ELF1: variants seen among roughly 807,000 people sequenced by gnomAD.
ELF1 encodes E74 like ETS transcription factor 1.
ELF1 carries 24 observed loss-of-function variants against 59.9 expected under a neutral mutation model. The observed-to-expected ratio is 0.40, with a 90% CI of 0.29 to 0.56. The LOEUF is 0.56. ELF1 is among the 20% of genes least tolerant of loss of function. The probability of loss-of-function intolerance (pLI) is 0.44; values close to 1 mark genes in which losing one functional copy is unlikely to be tolerated. For missense variants in ELF1, 627 were observed against 742.2 expected (o/e 0.84, Z 1.80); for synonymous variants, 248 against 266.2 (o/e 0.93, Z 0.67).
chr13:41,016,947 AATATATATATATATATATAT>A (rs1276103107), intron 1 of ELF1, among the ~76,000 whole-genome samples: 19 of 24,738 alleles, frequency 7.7e-4, no homozygotes, highest in South Asian at 3.8e-3. Flanking sequence ...AAAAAAAAAA[AATATATATATATATATATAT>A]ATATATATAT....
chr13:40,979,684 CAA>C (rs577016548), intron 2 of ELF1, among the ~76,000 whole-genome samples: 11 of 152,128 alleles, frequency 7.2e-5, no homozygotes, highest in East Asian at 3.9e-4. Flanking sequence ...AAATGAGACA[CAA>C]AAAAGATTTA....
intron 1 of ELF1, among the ~76,000 whole-genome samples, chr13:40,994,471 C>T (rs1445923019): frequency 3.9e-5 from 6 of 152,048 alleles, no homozygotes; most frequent in Admixed American, 6.6e-5. Flanking sequence ...GGTGAAACCT[C>T]GTCTCTACTA....
At chr13:40,947,712 A>G (rs1277952947) in intron 5 of ELF1, among the ~76,000 whole-genome samples, 14 of 152,204 alleles carry the variant, frequency 9.2e-5, no homozygotes, top group Admixed American at 9.2e-4. Context: ...TAGGCCATAC[A>G]AGATTTCCTC....
intron 6 of ELF1, among the ~76,000 whole-genome samples, chr13:40,943,416 G>A (rs1037246822): frequency 6.6e-6 from 1 of 152,138 alleles, no homozygotes; most frequent in African/African-American, 2.4e-5. Flanking sequence ...AAAGTACTTT[G>A]AGATAATTTT....
chr13:40,951,866 TAAAAA>T (rs530966733), intron 3 of ELF1, among the ~76,000 whole-genome samples: 3 of 142,810 alleles, frequency 2.1e-5, no homozygotes, highest in Non-Finnish European at 4.6e-5. Flanking sequence ...GACTCTGTCT[TAAAAA>T]AAAAAAACAG....
intron 1 of ELF1, chr13:40,982,915 C>T: frequency 1.0e-6 from 1 of 981,896 alleles, no homozygotes; most frequent in Non-Finnish European, 1.2e-6. Flanking sequence ...GTATCCTTAT[C>T]TCTAGTATAG....
At position 40,933,915 on chromosome 13, in the gene ELF1, G is replaced by T; in HGVS notation, c.1370C>A (p.Pro457Gln). Residue 457 changes from proline to glutamine, a missense_variant, in exon 9 of 9, where the codon CCA becomes CAA. By Grantham distance (76) the Pro-to-Gln change is moderately conservative. Around this residue, in one of 3 missense-constraint regions of ELF1, gnomAD observed 361 missense variants for 396.1 expected, o/e 0.91. Coordinates refer to ENST00000239882, the MANE Select transcript of ELF1 (RefSeq NM_172373.4). ...CTTCTGAGATCCAGTACCTGCTGAT[G>T]GATCTGTGCTGGCTATAACTGTTGT... Reference protein sequence around the residue: ...PLTTVIASTDPSAGTGSQKFI... With the variant: ...PLTTVIASTDQSAGTGSQKFI... The T allele has an allele frequency of 6.2e-7, 1 of 1,614,264 alleles. No individual in the cohort carries two copies. Among genetic ancestry groups the T allele is most frequent in the Non-Finnish European group, 8.5e-7 (1 of 1,180,050 alleles).
intron 1 of ELF1, among the ~76,000 whole-genome samples, chr13:41,045,125 G>C (rs931110073): frequency 2.6e-5 from 4 of 151,686 alleles, no homozygotes; most frequent in African/African-American, 9.7e-5. Flanking sequence ...TCATTTCTGT[G>C]GTATCAGTTG....
At chr13:40,980,554 C>T (rs187943521) in intron 2 of ELF1, among the ~76,000 whole-genome samples, 2 of 152,126 alleles carry the variant, frequency 1.3e-5, no homozygotes, top group Admixed American at 1.3e-4. Context: ...GAATATGGTA[C>T]CATAATGTAA....
intron 8 of ELF1, among the ~76,000 whole-genome samples, chr13:40,935,274 T>C (rs1424220996): frequency 1.3e-5 from 2 of 152,202 alleles, no homozygotes; most frequent in Non-Finnish European, 2.9e-5. Flanking sequence ...ACTGTTTCCT[T>C]TGAATTCTGT....
intron 1 of ELF1, among the ~76,000 whole-genome samples, chr13:40,990,698 T>C (rs1333591698): frequency 2.6e-5 from 4 of 151,704 alleles, no homozygotes; most frequent in African/African-American, 4.8e-5. Flanking sequence ...CTACTAAAAA[T>C]ACAAAAATTA....
Position 40,936,219 on chromosome 13 carries a change from A to G in ELF1, c.1257-2191T>C, listed in dbSNP as rs564740597. On this transcript the variant is annotated intron_variant, in intron 8 of 8. Coordinates refer to ENST00000239882, the MANE Select transcript of ELF1 (RefSeq NM_172373.4). The stretch of plus-strand genomic sequence containing the variant: ...TGCAGAGCCGATGTGCCGCCTTACC[A>G]TTACAACAGACTGCCGCCACTTAAG... 5.9e-5 allele frequency among the ~76,000 whole-genome samples: 9 copies of G among 152,206 alleles called. No homozygotes were observed. In the East Asian group the frequency reaches 1.7e-3, roughly 29 times the overall value.
At chr13:40,934,057 C>A (rs1282019177) in intron 8 of ELF1, 29 bp from the exon 9 acceptor site, 1 of 1,581,396 alleles carries the variant, frequency 6.3e-7, no homozygotes, top group Non-Finnish European at 8.6e-7. Context: ...TAAAGTGAGA[C>A]AATTAGCATA....
At chr13:41,008,882 G>A (rs1314406238) in intron 1 of ELF1, among the ~76,000 whole-genome samples, 4 of 151,960 alleles carry the variant, frequency 2.6e-5, no homozygotes, top group Non-Finnish European at 5.9e-5. Flanking sequence ...GCTGTCTTCT[G>A]TGAAGTCAAA....
intron 8 of ELF1, among the ~76,000 whole-genome samples, chr13:40,937,416 A>T (rs1869853367): frequency 2.0e-5 from 3 of 152,198 alleles, no homozygotes; most frequent in Admixed American, 2.0e-4. Context: ...AAGGAAACAG[A>T]CTCAAAATAA....
chr13:41,022,876 G>A (rs1875744469), upstream of ELF1, among the ~76,000 whole-genome samples: 1 of 152,088 alleles, frequency 6.6e-6, no homozygotes, highest in Non-Finnish European at 1.5e-5. Context: ...AAGACTCTGT[G>A]TCAGACCTCC....
At chr13:40,998,407 G>C (rs1874234396) in intron 1 of ELF1, among the ~76,000 whole-genome samples, 1 of 152,148 alleles carries the variant, frequency 6.6e-6, no homozygotes, top group Non-Finnish European at 1.5e-5. Context: ...TTGTGGCCTA[G>C]GAGAACAGGC....
intron 1 of ELF1, among the ~76,000 whole-genome samples, chr13:41,012,414 T>C (rs996017244): frequency 6.6e-6 from 1 of 151,620 alleles, no homozygotes; most frequent in African/African-American, 2.4e-5. Flanking sequence ...AGTTTGTTTG[T>C]TTTTGTTTTT....
intron 1 of ELF1, among the ~76,000 whole-genome samples, chr13:41,031,126 T>TTTC (rs1288204842): frequency 1.4e-4 from 21 of 148,542 alleles, no homozygotes; most frequent in African/African-American, 5.2e-4. Context: ...ATCATTGCTC[T>TTTC]ACAGCCTGGG....
Sources: allele counts gnomAD v4.1 joint callset (sites outside exome capture counted in the v4.1 genomes callset), GRCh38; gene constraint gnomAD v4.1.1; regional missense constraint gnomAD v4.1.1; transcripts MANE v1.5; gene names NCBI Gene and HGNC (gene_info 2026-07-23, HGNC 2026-07-21).